Variants in CLDN10 observed in about 807,000 individuals in gnomAD.
The protein encoded by CLDN10 is claudin 10.
In CLDN10, 15 loss-of-function variants were observed where a neutral mutation model predicts 22.9. That is an observed-to-expected ratio of 0.65 (90% CI 0.44 to 1.01). CLDN10 has a LOEUF of 1.01. Ranked by LOEUF, CLDN10 falls within the 50% of genes least tolerant of loss-of-function variation. The probability of loss-of-function intolerance (pLI) is 0.00; values close to 1 mark genes in which losing one functional copy is unlikely to be tolerated. For synonymous variants in CLDN10, 114 were observed against 111.4 expected, an observed-to-expected ratio of 1.02 and a Z score of -0.15; for missense variants, 247 against 287.8, an observed-to-expected ratio of 0.86 and a Z score of 1.03.
intron 1 of CLDN10, among the ~76,000 whole-genome samples, chr13:95,537,039 G>C (rs973100057): frequency 2.6e-5 from 4 of 152,300 alleles, no homozygotes; most frequent in Admixed American, 6.5e-5. Context: ...TTTCAGAGCA[G>C]AGCTAAGGCT....
chr13:95,574,084 T>C (rs1594623930), intron 3 of CLDN10, among the ~76,000 whole-genome samples: 2 of 152,210 alleles, frequency 1.3e-5, no homozygotes, highest in Non-Finnish European at 2.9e-5. Flanking sequence ...TATTCCATGG[T>C]GTATATGTGC....
intron 1 of CLDN10, among the ~76,000 whole-genome samples, chr13:95,539,082 T>C (rs1237515593): frequency 6.6e-6 from 1 of 152,214 alleles, no homozygotes; most frequent in Non-Finnish European, 1.5e-5. Flanking sequence ...TTTCACCATG[T>C]TGGCCAGGCT....
intron 3 of CLDN10, among the ~76,000 whole-genome samples, chr13:95,576,182 C>G (rs1039973468): frequency 2.0e-5 from 3 of 152,178 alleles, no homozygotes; most frequent in African/African-American, 7.2e-5. Context: ...GGCCTCAGCT[C>G]TTGAACTTGG....
intron 3 of CLDN10, among the ~76,000 whole-genome samples, chr13:95,567,580 G>A (rs2043802395): frequency 6.6e-6 from 1 of 152,200 alleles, no homozygotes; most frequent in Non-Finnish European, 1.5e-5. Flanking sequence ...GGGACAATTT[G>A]ACTTCCTCTT....
intron 1 of CLDN10, among the ~76,000 whole-genome samples, chr13:95,465,339 G>A (rs1216535866): frequency 6.6e-6 from 1 of 152,140 alleles, no homozygotes; most frequent in Non-Finnish European, 1.5e-5. Context: ...TTTGGGTGGG[G>A]ACACAGAGCC....
intron 1 of CLDN10, among the ~76,000 whole-genome samples, chr13:95,508,392 A>G (rs1006987940): frequency 2.0e-5 from 3 of 152,216 alleles, no homozygotes; most frequent in African/African-American, 7.2e-5. Context: ...GAATACGGCC[A>G]AGTACATATT....
intron 3 of CLDN10, 199 bp downstream of exon 3, chr13:95,560,662 C>T: frequency 1.7e-6 from 1 of 575,402 alleles, no homozygotes; most frequent in Admixed American, 3.1e-5. Flanking sequence ...GCTAGTGTTG[C>T]AGTGTCTTGT....
chr13:95,473,139 C>CA lies in CLDN10; in HGVS notation c.214+39112dup, dbSNP rs765295179. 4.3e-3 allele frequency among the ~76,000 whole-genome samples: 252 copies of CA among 58,736 alleles called. 3 individuals carry two copies. The highest frequency in any genetic ancestry group is 0.011 in the Middle Eastern group (1 of 88). The allele number at this position is 58,736 out of a possible 152,430, so 38.5% of individuals were successfully genotyped here. A position where few individuals can be genotyped will look rare whatever the true frequency, so the allele number is the denominator to read the frequency against. Reference sequence around the variant, plus strand: ...TGGGTGACAGAGTGAAAACCTATCTCAAAAAAAAAAAAAAAAAAAAGGAGA... The same window carrying CA: ...TGGGTGACAGAGTGAAAACCTATCTCAAAAAAAAAAAAAAAAAAAAAGGAGA... On this transcript the variant is annotated intron_variant, in intron 1 of 4. Coordinates refer to the CLDN10 transcript ENST00000376873.
chr13:95,441,364 C>T (rs149593886), intron 1 of CLDN10, among the ~76,000 whole-genome samples: 1,862 of 152,228 alleles, frequency 0.012, 44 homozygotes, highest in African/African-American at 0.043. Flanking sequence ...CCCATCTCAT[C>T]GTCCTGAGTA....
chr13:95,577,513 A>G (rs1303854577), intron 4 of CLDN10, among the ~76,000 whole-genome samples, 175 bp downstream of exon 4: 2 of 152,246 alleles, frequency 1.3e-5, no homozygotes, highest in African/African-American at 4.8e-5. Flanking sequence ...TATATTCCAA[A>G]GAAAATTCTA....
intron 1 of CLDN10, among the ~76,000 whole-genome samples, chr13:95,506,956 A>G (rs1393875462): frequency 6.6e-6 from 1 of 152,160 alleles, no homozygotes; most frequent in African/African-American, 2.4e-5. Context: ...CGGGCTGAAC[A>G]TAGAACCCTG....
At chr13:95,502,799 G>T (rs1470140079) in intron 1 of CLDN10, among the ~76,000 whole-genome samples, 1 of 152,190 alleles carries the variant, frequency 6.6e-6, no homozygotes, top group Non-Finnish European at 1.5e-5. Context: ...GGGACTACAG[G>T]CATGAGCCAC....
At chr13:95,504,727 A>G (rs2043020765) in intron 1 of CLDN10, among the ~76,000 whole-genome samples, 1 of 152,096 alleles carries the variant, frequency 6.6e-6, no homozygotes, top group Admixed American at 6.6e-5. Context: ...TTATAGGGAT[A>G]TGATCTCACT....
At chr13:95,558,390 G>A (rs1433811699) in intron 1 of CLDN10, among the ~76,000 whole-genome samples, 1 of 152,180 alleles carries the variant, frequency 6.6e-6, no homozygotes, top group East Asian at 1.9e-4. Context: ...TATGAAAGAA[G>A]CCTTCATTAT....
At chr13:95,456,193 G>A (rs924480453) in intron 1 of CLDN10, among the ~76,000 whole-genome samples, 1 of 152,166 alleles carries the variant, frequency 6.6e-6, no homozygotes, top group Non-Finnish European at 1.5e-5. Flanking sequence ...TATCTTGTAG[G>A]TATTAAACTA....
At chr13:95,566,834 C>T (rs1260115386) in intron 3 of CLDN10, among the ~76,000 whole-genome samples, 1 of 152,144 alleles carries the variant, frequency 6.6e-6, no homozygotes, top group Admixed American at 6.5e-5. Context: ...TCAGCTTTTA[C>T]ATATGGCTAG....
At chr13:95,467,888 G>A (rs143441601) in intron 1 of CLDN10, among the ~76,000 whole-genome samples, 107 of 152,296 alleles carry the variant, frequency 7.0e-4, no homozygotes, top group African/African-American at 9.4e-4. Context: ...CAGGAAAAAC[G>A]TTGATGCTCC....
intron 1 of CLDN10, among the ~76,000 whole-genome samples, chr13:95,452,948 T>C (rs559733585): frequency 6.6e-6 from 1 of 152,330 alleles, no homozygotes; most frequent in African/African-American, 2.4e-5. Context: ...AACTCAAACA[T>C]TGCAAATATT....
At chr13:95,478,695 C>T (rs1344345870) in intron 1 of CLDN10, among the ~76,000 whole-genome samples, 1 of 152,214 alleles carries the variant, frequency 6.6e-6, no homozygotes, top group Non-Finnish European at 1.5e-5. Flanking sequence ...ATTCTGCTTC[C>T]CCCTAGTGGT....
Sources: allele counts gnomAD v4.1 joint callset (sites outside exome capture counted in the v4.1 genomes callset), GRCh38; gene constraint gnomAD v4.1.1; transcripts MANE v1.5; gene names NCBI Gene and HGNC (gene_info 2026-07-23, HGNC 2026-07-21).